Variants in TBC1D22A observed in about 807,000 individuals in gnomAD.
The protein encoded by TBC1D22A is putative GTPase activator.
In TBC1D22A, 38 loss-of-function variants were observed where a neutral mutation model predicts 60.2. The ratio of observed to expected loss-of-function variants is 0.63; its 90% CI spans 0.49 to 0.83. TBC1D22A has a LOEUF of 0.83. Ranked by LOEUF, TBC1D22A falls within the 40% of genes least tolerant of loss-of-function variation. The pLI is 0.00. For missense variants in TBC1D22A, 628 were observed against 701.0 expected (o/e 0.90, Z 1.18); for synonymous variants, 302 against 281.7 (o/e 1.07, Z -0.72).
At chr22:46,768,562 G>A (rs546881020) in intron 1 of TBC1D22A, among the ~76,000 whole-genome samples, 63 of 151,212 alleles carry the variant, frequency 4.2e-4, no homozygotes, top group African/African-American at 1.4e-3. Flanking sequence ...TTCCCGGGCC[G>A]CTGACTCTCT....
chr22:47,135,960 C>T (rs2066854465), intron 12 of TBC1D22A, among the ~76,000 whole-genome samples: 3 of 152,074 alleles, frequency 2.0e-5, no homozygotes, highest in Non-Finnish European at 2.9e-5. Flanking sequence ...TCACTGTGGC[C>T]GAGTAGATGG....
At chr22:47,093,070 C>G (rs1238868181) in intron 11 of TBC1D22A, among the ~76,000 whole-genome samples, 5 of 152,188 alleles carry the variant, frequency 3.3e-5, no homozygotes, top group African/African-American at 9.6e-5. Flanking sequence ...AACTTAGTGG[C>G]AGCTCTGGCC....
intron 11 of TBC1D22A, among the ~76,000 whole-genome samples, chr22:47,099,104 C>T (rs532692581): frequency 6.6e-6 from 1 of 152,350 alleles, no homozygotes; most frequent in South Asian, 2.1e-4. Flanking sequence ...GTGAAAGTTC[C>T]ACCCTCAGAA....
intron 4 of TBC1D22A, among the ~76,000 whole-genome samples, chr22:46,825,427 C>A (rs946795917): frequency 6.6e-6 from 1 of 152,158 alleles, no homozygotes; most frequent in African/African-American, 2.4e-5. Flanking sequence ...TGTTCTCTCC[C>A]TTCATATGAA....
chr22:46,765,957 A>ATGTGTG (rs747869318), intron 1 of TBC1D22A, among the ~76,000 whole-genome samples: 55 of 128,652 alleles, frequency 4.3e-4, no homozygotes, highest in Non-Finnish European at 7.7e-4. Context: ...CAGCTAATTT[A>ATGTGTG]TGTGTGTGTG....
intron 12 of TBC1D22A, among the ~76,000 whole-genome samples, chr22:47,155,181 A>G (rs1424449122): frequency 4.6e-5 from 7 of 151,820 alleles, no homozygotes; most frequent in Non-Finnish European, 1.0e-4. Context: ...TTCAGCACTG[A>G]AAGGCGCTTT....
chr22:46,798,659 G>A (rs1039569893), intron 4 of TBC1D22A, among the ~76,000 whole-genome samples: 3 of 152,266 alleles, frequency 2.0e-5, no homozygotes, highest in Admixed American at 6.5e-5. Flanking sequence ...CGGGAGGACC[G>A]GAATGTGGCC....
intron 4 of TBC1D22A, among the ~76,000 whole-genome samples, chr22:46,868,536 C>T (rs995283853): frequency 6.6e-6 from 1 of 152,104 alleles, no homozygotes; most frequent in African/African-American, 2.4e-5. Context: ...ACTCAACCGG[C>T]AGTATAAGAT....
At chr22:46,969,719 C>A (rs1402760523) in intron 8 of TBC1D22A, among the ~76,000 whole-genome samples, 1 of 152,120 alleles carries the variant, frequency 6.6e-6, no homozygotes, top group African/African-American at 2.4e-5. Flanking sequence ...CTTGCGGGCT[C>A]TTTGGGGTCA....
chr22:46,935,513 A>G (rs1231100150), intron 8 of TBC1D22A, among the ~76,000 whole-genome samples: 1 of 152,206 alleles, frequency 6.6e-6, no homozygotes, highest in East Asian at 1.9e-4. Context: ...GAAGCTTCAG[A>G]AAGTTCTTGG....
chr22:46,834,284 C>A (rs1027128736), intron 4 of TBC1D22A, among the ~76,000 whole-genome samples: 5 of 152,144 alleles, frequency 3.3e-5, no homozygotes, highest in Non-Finnish European at 7.4e-5. Context: ...TCATCCCCCC[C>A]AGCAGTAATA....
At chr22:46,804,946 C>A (rs2085063423) in intron 4 of TBC1D22A, among the ~76,000 whole-genome samples, 1 of 152,106 alleles carries the variant, frequency 6.6e-6, no homozygotes, top group Admixed American at 6.5e-5. Flanking sequence ...CAGACTTGAG[C>A]AATTGTGCGA....
At chr22:46,789,406 TC>T (rs1315548856) in intron 1 of TBC1D22A, 1 of 458,880 alleles carries the variant, frequency 2.2e-6, no homozygotes, top group Admixed American at 2.5e-5. Flanking sequence ...GTTTCTGTGC[TC>T]CTGTGACATG....
intron 4 of TBC1D22A, among the ~76,000 whole-genome samples, chr22:46,839,510 T>C (rs910990881): frequency 3.5e-5 from 4 of 113,370 alleles, no homozygotes; most frequent in Admixed American, 3.4e-4. Context: ...ATTGTTAAAA[T>C]GTCCACACTA....
chr22:46,839,601 A>C (rs1336145386), intron 4 of TBC1D22A, among the ~76,000 whole-genome samples: 2 of 152,210 alleles, frequency 1.3e-5, no homozygotes, highest in African/African-American at 4.8e-5. Flanking sequence ...ACAATCCTAA[A>C]ATTCATATAG....
chr22:47,095,893 G>T (rs924934950), intron 11 of TBC1D22A, among the ~76,000 whole-genome samples: 2 of 152,236 alleles, frequency 1.3e-5, no homozygotes, highest in African/African-American at 4.8e-5. Flanking sequence ...CTTTCCCAGG[G>T]CTGGGCTGGA....
At chr22:47,075,212 G>T (rs537023726) in intron 11 of TBC1D22A, among the ~76,000 whole-genome samples, 14 of 123,580 alleles carry the variant, frequency 1.1e-4, no homozygotes, top group Admixed American at 8.5e-4. Flanking sequence ...GACAGAGCGA[G>T]ATTCCGTCTC....
chr22:47,077,520 G>T (rs2064273270), intron 11 of TBC1D22A, among the ~76,000 whole-genome samples: 1 of 152,188 alleles, frequency 6.6e-6, no homozygotes, highest in African/African-American at 2.4e-5. Context: ...TTCTGCTGGG[G>T]GGTCTGAAAG....
intron 1 of TBC1D22A, among the ~76,000 whole-genome samples, chr22:46,776,439 G>A (rs527798167): frequency 1.2e-4 from 18 of 152,062 alleles, no homozygotes; most frequent in Non-Finnish European, 1.9e-4. Flanking sequence ...GCACAGCTGC[G>A]GCTGCGTGGT....
Sources: gnomAD v4.1 joint callset for allele counts (sites outside exome capture counted in the v4.1 genomes callset) on GRCh38, gnomAD v4.1.1 for gene constraint, MANE v1.5 for transcripts, NCBI Gene and HGNC (gene_info 2026-07-23, HGNC 2026-07-21) for gene names.